The following FAM53B variants were observed in gnomAD, a reference collection of about 807,000 sequenced individuals.
FAM53B encodes family with sequence similarity 53 member B.
A neutral mutation model predicts 32.7 loss-of-function variants in FAM53B; 12 were observed. The ratio of observed to expected loss-of-function variants is 0.37; its 90% CI spans 0.24 to 0.59. The LOEUF is 0.59. Ranked by LOEUF, FAM53B falls within the 20% of genes least tolerant of loss-of-function variation. FAM53B has a pLI of 0.72. For missense variants in FAM53B, 477 were observed against 577.7 expected, an observed-to-expected ratio of 0.83 and a Z score of 1.79; for synonymous variants, 234 against 228.7, an observed-to-expected ratio of 1.02 and a Z score of -0.21.
At chr10:124,628,630 C>G (rs1949370483) in intron 4 of FAM53B, among the ~76,000 whole-genome samples, 1 of 152,208 alleles carries the variant, frequency 6.6e-6, no homozygotes. Flanking sequence ...CCTGGAGTCC[C>G]AAACCCACAG....
intron 4 of FAM53B, among the ~76,000 whole-genome samples, chr10:124,634,464 T>C (rs146496548): frequency 1.3e-5 from 2 of 152,318 alleles, no homozygotes; most frequent in East Asian, 3.9e-4. Flanking sequence ...AACTGAATCA[T>C]GGGGGCAGTT....
chr10:124,720,094 TG>T (rs1028589072), intron 1 of FAM53B, among the ~76,000 whole-genome samples: 100 of 143,008 alleles, frequency 7.0e-4, no homozygotes, highest in African/African-American at 2.6e-3. Flanking sequence ...ACCTGGGAGG[TG>T]GAGGTTGCAG....
chr10:124,667,574 C>T (rs1365298804), intron 4 of FAM53B, among the ~76,000 whole-genome samples: 8 of 152,182 alleles, frequency 5.3e-5, no homozygotes, highest in South Asian at 2.1e-4. Context: ...TGAGGAGGAC[C>T]GGGCAGGGCT....
intron 4 of FAM53B, among the ~76,000 whole-genome samples, chr10:124,659,693 T>A (rs577830045): frequency 5.9e-5 from 9 of 152,206 alleles, no homozygotes; most frequent in African/African-American, 2.2e-4. Context: ...CGGGCCAAGC[T>A]CCATTACCAC....
intron 2 of FAM53B, 101 bp downstream of exon 2, chr10:124,706,535 T>G: frequency 6.8e-7 from 1 of 1,476,308 alleles, no homozygotes; most frequent in Non-Finnish European, 9.4e-7. Context: ...TTGGGGACTC[T>G]GGACTCGATT....
chr10:124,737,903 G>A (rs1449116733), intron 1 of FAM53B, among the ~76,000 whole-genome samples: 1 of 152,100 alleles, frequency 6.6e-6, no homozygotes, highest in Non-Finnish European at 1.5e-5. Context: ...CTAGGACTGT[G>A]GGGAGGCAGG....
intron 4 of FAM53B, among the ~76,000 whole-genome samples, chr10:124,630,017 G>A (rs1949380317): frequency 6.6e-6 from 1 of 152,208 alleles, no homozygotes. Context: ...GCTCTGCAGG[G>A]CCCTTCCCCT....
At chr10:124,629,019 T>C (rs1362497819) in intron 4 of FAM53B, among the ~76,000 whole-genome samples, 1 of 152,210 alleles carries the variant, frequency 6.6e-6, no homozygotes, top group Non-Finnish European at 1.5e-5. Flanking sequence ...AGAGACCCAA[T>C]CTAAAGCCAC....
rs889718708 is a variant in FAM53B, at chr10:124,733,296, T to C, written c.-175+10717A>G. On this transcript the variant is annotated intron_variant, in intron 1 of 4. Coordinates refer to ENST00000337318, the MANE Select transcript of FAM53B (RefSeq NM_014661.4). This position sits in a 1 kb window ranked among gnomAD's most constrained non-coding sequence, Gnocchi z 4.3. ...TGGGCCCAGGTCACATGCCACACAG[T>C]CAACGGGGCCTGGAATCTGGGCTGG... 6.6e-6 allele frequency among the ~76,000 whole-genome samples: 1 copy of C among 152,118 alleles called. No homozygotes were observed. The highest frequency in any genetic ancestry group is 2.4e-5 in the African/African-American group (1 of 41,434).
At position 124,733,694 on chromosome 10, in the gene FAM53B, C is replaced by T. The variant is rs991881071; in HGVS notation, c.-175+10319G>A. Among the ~76,000 whole-genome samples, 2 of 152,170 alleles carry T rather than the reference C, an allele frequency of 1.3e-5. No homozygotes were observed. Among genetic ancestry groups the T allele is most frequent in the Non-Finnish European group, 2.9e-5 (2 of 68,030 alleles). On this transcript the variant is annotated intron_variant, in intron 1 of 4. Coordinates refer to ENST00000337318, the MANE Select transcript of FAM53B (RefSeq NM_014661.4). This position sits in a 1 kb window ranked among gnomAD's most constrained non-coding sequence, Gnocchi z 4.3. ...GTTTTGTCTAAAAATAAACAAAGAC[C>T]ACATCACTCTGGCCAAGGCGGCACT...
At position 124,675,857 on chromosome 10, in the gene FAM53B, T is replaced by C. The variant is rs774746472; in HGVS notation, c.906+5750A>G. 6.4e-4 allele frequency among the ~76,000 whole-genome samples: 97 copies of C among 152,242 alleles called. 1 individual carries two copies. Among genetic ancestry groups the C allele is most frequent in the Non-Finnish European group, 1.3e-4 (9 of 68,034 alleles). ...GGCAAGGCCCCAACTCTTCCTGTAC[T>C]CTAGAGGCTTCATCCTCAAGTGAGG... On this transcript the variant is annotated intron_variant, in intron 4 of 4. Coordinates refer to ENST00000337318, the MANE Select transcript of FAM53B (RefSeq NM_014661.4).
At chr10:124,714,499 G>A (rs1209819693) in intron 1 of FAM53B, among the ~76,000 whole-genome samples, 3 of 152,144 alleles carry the variant, frequency 2.0e-5, no homozygotes, top group Non-Finnish European at 4.4e-5. Context: ...GGTGGCTCAC[G>A]CCTGTAATCC....
At chr10:124,707,337 T>TCAGGCAGCCAACTGGCAGCAAGGGACCAG in intron 1 of FAM53B, among the ~76,000 whole-genome samples, 1 of 152,158 alleles carries the variant, frequency 6.6e-6, no homozygotes, top group African/African-American at 2.4e-5. Flanking sequence ...GGGTCGGCCC[T>TCAGGCAGCCAACTGGCAGCAAGGGACCAG]CAGGCAGCCA....
chr10:124,691,797 G>A (rs1192233559), intron 3 of FAM53B, among the ~76,000 whole-genome samples: 1 of 152,238 alleles, frequency 6.6e-6, no homozygotes, highest in Non-Finnish European at 1.5e-5. Context: ...CACTGCAAGT[G>A]GGAGAAGATG....
At chr10:124,694,071 AGAG>A (rs1818464461) in intron 3 of FAM53B, among the ~76,000 whole-genome samples, 4 of 152,368 alleles carry the variant, frequency 2.6e-5, no homozygotes, top group Middle Eastern at 3.4e-3. Context: ...AGAGAGCAGC[AGAG>A]GAGAACAAGG....
intron 1 of FAM53B, among the ~76,000 whole-genome samples, chr10:124,738,987 T>C (rs952276942): frequency 4.7e-4 from 71 of 150,224 alleles, no homozygotes; most frequent in Non-Finnish European, 4.4e-4. Flanking sequence ...TCCCAAACTA[T>C]GGCACTCACT....
At chr10:124,687,715 G>C (rs1949811060) in intron 3 of FAM53B, among the ~76,000 whole-genome samples, 1 of 152,178 alleles carries the variant, frequency 6.6e-6, no homozygotes, top group Admixed American at 6.5e-5. Flanking sequence ...CAGGTTTCTA[G>C]ACCCCGTCTC....
At chr10:124,633,954 A>G (rs922810467) in intron 4 of FAM53B, among the ~76,000 whole-genome samples, 1 of 152,254 alleles carries the variant, frequency 6.6e-6, no homozygotes, top group African/African-American at 2.4e-5. Flanking sequence ...AAAAAATGCC[A>G]AAAGCACTGG....
chr10:124,625,669 G>A (rs1020269183), intron 4 of FAM53B, among the ~76,000 whole-genome samples: 1 of 152,212 alleles, frequency 6.6e-6, no homozygotes, highest in African/African-American at 2.4e-5. Flanking sequence ...CAGTGCTTTC[G>A]AGGGGAGGGT....
Sources: gnomAD v4.1 joint callset for allele counts (sites outside exome capture counted in the v4.1 genomes callset) on GRCh38, gnomAD v4.1.1 for gene constraint, Gnocchi (gnomAD v3.1) non-coding constraint, MANE v1.5 for transcripts, NCBI Gene and HGNC (gene_info 2026-07-23, HGNC 2026-07-21) for gene names.